ERC2: variants seen among roughly 807,000 people sequenced by gnomAD.
ERC2 encodes the protein ELKS/RAB6-interacting/CAST family member 2.
ERC2 carries 42 observed loss-of-function variants against 114.8 expected under a neutral mutation model. The observed-to-expected ratio is 0.37, with a 90% confidence interval of 0.29 to 0.47. The LOEUF (loss-of-function observed/expected upper bound fraction) is 0.47. Among genes scored for constraint, ERC2 ranks in the 20% least tolerant of loss-of-function variants. ERC2 has a pLI of 0.99. For missense variants in ERC2, 939 were observed against 1,150.7 expected (o/e 0.82, Z 2.66); for synonymous variants, 454 against 425.5 (o/e 1.07, Z -0.82).
At chr3:56,133,099 A>G (rs1179873836) in intron 6 of ERC2, among the ~76,000 whole-genome samples, 5 of 152,144 alleles carry the variant, frequency 3.3e-5, no homozygotes, top group African/African-American at 9.7e-5. Context: ...CCGTGAACTC[A>G]CCTGTCAAGA....
At chr3:55,749,535 TTGTAAAATGCACCAATCAGTGCTC>T (rs1284087581) in intron 14 of ERC2, among the ~76,000 whole-genome samples, 4 of 152,166 alleles carry the variant, frequency 2.6e-5, no homozygotes, top group Admixed American at 6.5e-5. Flanking sequence ...CACAAGAGGA[TTGTAAAATGCACCAATCAGTGCTC>T]TGTAAAATGC....
At chr3:55,603,571 C>T (rs1174623142) in intron 17 of ERC2, among the ~76,000 whole-genome samples, 1 of 148,110 alleles carries the variant, frequency 6.8e-6, no homozygotes, top group Non-Finnish European at 1.5e-5. Context: ...TTACTGCAAG[C>T]AGGTGGAGCT....
chr3:56,308,353 G>GAAAATACAAGA (rs2056351661), intron 2 of ERC2, among the ~76,000 whole-genome samples: 1 of 152,184 alleles, frequency 6.6e-6, no homozygotes, highest in South Asian at 2.1e-4. Context: ...AAGTTACAAT[G>GAAAATACAAGA]AAAATACAAG....
intron 17 of ERC2, among the ~76,000 whole-genome samples, chr3:55,581,071 C>G (rs1236283712): frequency 6.6e-6 from 1 of 152,116 alleles, no homozygotes; most frequent in Non-Finnish European, 1.5e-5. Flanking sequence ...TGGCCTGTTT[C>G]AGGAGCCCAA....
intron 1 of ERC2, among the ~76,000 whole-genome samples, chr3:56,442,162 C>T (rs1268484248): frequency 1.3e-5 from 2 of 152,126 alleles, no homozygotes; most frequent in African/African-American, 2.4e-5. Context: ...AAAAAAATCC[C>T]GAATTACGAA....
At chr3:55,583,402 C>T (rs1288051021) in intron 17 of ERC2, among the ~76,000 whole-genome samples, 2 of 74,138 alleles carry the variant, frequency 2.7e-5, no homozygotes, top group African/African-American at 4.6e-5. Flanking sequence ...TTCCTTCTTT[C>T]CTTCCTTCCT....
chr3:56,250,134 G>A (rs2052044087), intron 3 of ERC2, among the ~76,000 whole-genome samples: 1 of 152,164 alleles, frequency 6.6e-6, no homozygotes, highest in Admixed American at 6.5e-5. Context: ...GGGATTACAG[G>A]CGTGAGCCAC....
chr3:55,764,418 T>A (rs1475069899), intron 14 of ERC2, among the ~76,000 whole-genome samples: 1 of 152,228 alleles, frequency 6.6e-6, no homozygotes, highest in Non-Finnish European at 1.5e-5. Flanking sequence ...ATCTTTTACC[T>A]TGGACTGTGC....
chr3:56,088,896 T>G (rs1233328648), intron 6 of ERC2, among the ~76,000 whole-genome samples: 1 of 152,208 alleles, frequency 6.6e-6, no homozygotes, highest in Non-Finnish European at 1.5e-5. Context: ...TTTATTATTC[T>G]ACTTTTCACA....
intron 14 of ERC2, among the ~76,000 whole-genome samples, chr3:55,749,828 T>A (rs1331937719): frequency 6.6e-6 from 1 of 152,114 alleles, no homozygotes; most frequent in African/African-American, 2.4e-5. Context: ...TGCCCACTCT[T>A]TGGATCAGTG....
At chr3:56,159,589 G>A (rs924594053) in intron 4 of ERC2, among the ~76,000 whole-genome samples, 16 of 152,016 alleles carry the variant, frequency 1.1e-4, no homozygotes, top group African/African-American at 3.6e-4. Context: ...TGAGGTTTGG[G>A]GTATAAATGA....
At chr3:55,888,001 A>G (rs989782691) in intron 14 of ERC2, among the ~76,000 whole-genome samples, 2 of 152,256 alleles carry the variant, frequency 1.3e-5, no homozygotes, top group Non-Finnish European at 2.9e-5. Context: ...AGTTACAGTC[A>G]CAATTAGGAA....
intron 5 of ERC2, 140 bp from the exon 6 acceptor site, chr3:56,139,816 G>A: frequency 1.1e-6 from 1 of 921,860 alleles, no homozygotes; most frequent in Non-Finnish European, 1.6e-6. Flanking sequence ...GCTTAAAAAA[G>A]ATGGCCTTGG....
intron 17 of ERC2, among the ~76,000 whole-genome samples, chr3:55,592,301 C>T (rs1193025970): frequency 5.3e-5 from 8 of 152,222 alleles, no homozygotes; most frequent in African/African-American, 1.9e-4. Context: ...AGTACCTGAT[C>T]GGTAAGCTTC....
intron 3 of ERC2, among the ~76,000 whole-genome samples, chr3:56,271,049 G>A (rs766730389): frequency 4.6e-5 from 7 of 152,162 alleles, no homozygotes; most frequent in Admixed American, 2.0e-4. Context: ...TTTTCTTTAC[G>A]TTGTGAAAAA....
intron 3 of ERC2, among the ~76,000 whole-genome samples, chr3:56,245,860 C>T (rs1238161296): frequency 2.0e-5 from 3 of 151,944 alleles, no homozygotes; most frequent in African/African-American, 7.3e-5. Flanking sequence ...ATTTTAAAAG[C>T]AACAAAATTT....
intron 1 of ERC2, among the ~76,000 whole-genome samples, chr3:56,446,568 A>G (rs1270197162): frequency 1.3e-5 from 2 of 151,986 alleles, no homozygotes; most frequent in African/African-American, 2.4e-5. Flanking sequence ...ATTTGGAACT[A>G]AAACAAGGAA....
intron 14 of ERC2, among the ~76,000 whole-genome samples, chr3:55,807,018 T>C (rs1019702482): frequency 1.1e-4 from 16 of 152,138 alleles, no homozygotes; most frequent in African/African-American, 3.6e-4. Context: ...ACTGAAGAGA[T>C]ACATGATGGC....
chr3:55,524,224 A>T (rs577439), intron 17 of ERC2, among the ~76,000 whole-genome samples: 98,074 of 152,102 alleles, frequency 0.64, 32,212 homozygotes, highest in African/African-American at 0.75. Context: ...GACCAGCTTG[A>T]TCCTGAGTGC....
Sources: gnomAD v4.1 joint callset for allele counts (sites outside exome capture counted in the v4.1 genomes callset) on GRCh38, gnomAD v4.1.1 for gene constraint, MANE v1.5 for transcripts, NCBI Gene and HGNC (gene_info 2026-07-23, HGNC 2026-07-21) for gene names.